DPP6: variants seen among roughly 807,000 people sequenced by gnomAD.
The protein encoded by DPP6 is A-type potassium channel modulatory protein DPP6.
DPP6 carries 69 observed loss-of-function variants against 122.6 expected under a neutral mutation model. The observed-to-expected ratio is 0.56, with a 90% CI of 0.46 to 0.69. The LOEUF (loss-of-function observed/expected upper bound fraction) is 0.69. Ranked by LOEUF, DPP6 falls within the 30% of genes least tolerant of loss-of-function variation. DPP6 has a pLI of 0.00. For synonymous variants in DPP6, 418 were observed against 433.1 expected (o/e 0.97, Z 0.43); for missense variants, 928 against 1,116.9 (o/e 0.83, Z 2.41).
At chr7:154,744,137 C>T (rs1297450684) in intron 8 of DPP6, among the ~76,000 whole-genome samples, 1 of 152,112 alleles carries the variant, frequency 6.6e-6, no homozygotes. Flanking sequence ...CTGCCTAAGC[C>T]TGGGCCTCCC....
chr7:154,660,755 G>C (rs868675984), intron 6 of DPP6, among the ~76,000 whole-genome samples: 3 of 15,918 alleles, frequency 1.9e-4, no homozygotes, highest in African/African-American at 3.1e-4. Context: ...CGTATTGGCC[G>C]TAGTGTTCCT....
intron 7 of DPP6, among the ~76,000 whole-genome samples, chr7:154,708,614 G>A (rs1487598962): frequency 1.3e-5 from 2 of 152,100 alleles, no homozygotes; most frequent in African/African-American, 4.8e-5. Context: ...AGAGACACAG[G>A]TGAAAATTTT....
At chr7:154,475,111 G>A (rs1246992323) in intron 3 of DPP6, 74 bp downstream of exon 3, 1 of 1,148,908 alleles carries the variant, frequency 8.7e-7, no homozygotes, top group Non-Finnish European at 1.3e-6. Context: ...GTTGGGTCTA[G>A]TAATTTGCCT....
chr7:154,035,945 C>G (rs1265200226), intron 1 of DPP6, among the ~76,000 whole-genome samples: 1 of 151,944 alleles, frequency 6.6e-6, no homozygotes, highest in Non-Finnish European at 1.5e-5. Flanking sequence ...TGTGAACTCA[C>G]TGACTAAGCC....
chr7:154,177,258 T>A (rs1797852474), intron 1 of DPP6, among the ~76,000 whole-genome samples: 1 of 152,192 alleles, frequency 6.6e-6, no homozygotes, highest in Non-Finnish European at 1.5e-5. Flanking sequence ...TACAAGGTTT[T>A]TGGTTGATGT....
At chr7:153,772,643 T>C in the DPP6 span, among the ~76,000 whole-genome samples, 1 of 151,752 alleles carries the variant, frequency 6.6e-6, no homozygotes, top group Non-Finnish European at 1.5e-5. Context: ...TAAGTGTGAA[T>C]GGTTTATACA....
intron 8 of DPP6, among the ~76,000 whole-genome samples, chr7:154,733,085 C>T (rs555868107): frequency 3.9e-5 from 6 of 152,340 alleles, no homozygotes; most frequent in East Asian, 1.9e-4. Flanking sequence ...ACGGAGCCAC[C>T]GTCCTGGTTC....
At chr7:154,573,495 G>A (rs942267299) in intron 5 of DPP6, among the ~76,000 whole-genome samples, 1 of 152,194 alleles carries the variant, frequency 6.6e-6, no homozygotes, top group African/African-American at 2.4e-5. Flanking sequence ...CTGCCTGGAA[G>A]TGCATCCTGC....
At chr7:154,880,494 C>T (rs1035887245) in intron 20 of DPP6, among the ~76,000 whole-genome samples, 15 of 152,318 alleles carry the variant, frequency 9.8e-5, no homozygotes, top group Non-Finnish European at 1.8e-4. Flanking sequence ...AGATTCCTGC[C>T]GACCCCTAAG....
At chr7:154,884,968 C>T (rs146572147) in intron 21 of DPP6, 3 of 152,158 alleles carry the variant, frequency 2.0e-5, no homozygotes, top group Admixed American at 6.6e-5. Context: ...CTGACAGTTC[C>T]GTGCTGTCCC....
At chr7:154,213,215 G>A (rs923737526) in intron 1 of DPP6, among the ~76,000 whole-genome samples, 2 of 152,172 alleles carry the variant, frequency 1.3e-5, no homozygotes, top group Non-Finnish European at 2.9e-5. Flanking sequence ...AGGAGCCACC[G>A]TGGTCAGGGT....
At chr7:154,844,008 C>A (rs2150557983) in intron 16 of DPP6, among the ~76,000 whole-genome samples, 1 of 152,316 alleles carries the variant, frequency 6.6e-6, no homozygotes, top group Admixed American at 6.5e-5. Context: ...ATCTCAATAC[C>A]TATTTGTTGA....
rs149195341 is a variant in DPP6 at position 154,536,502 on chromosome 7, A to G, written c.458-4030A>G. On this transcript the variant is annotated intron_variant, in intron 3 of 25. Coordinates refer to ENST00000377770, the MANE Select transcript of DPP6 (RefSeq NM_130797.4). The stretch of plus-strand genomic sequence containing the variant: ...GTTGTAAAGGTGTCCAGTTTCCTCC[A>G]AATGGAACTTTCAATTGAATGAAAT... Among the ~76,000 whole-genome samples the G allele has an allele frequency of 5.1e-3, 774 of 152,320 alleles. 8 individuals are homozygous for G. Among genetic ancestry groups the G allele is most frequent in the African/African-American group, 0.017 (713 of 41,582 alleles).
At chr7:154,737,074 A>G (rs1842602815) in intron 8 of DPP6, among the ~76,000 whole-genome samples, 1 of 152,276 alleles carries the variant, frequency 6.6e-6, no homozygotes, top group Admixed American at 6.5e-5. Context: ...ACAGGATCAT[A>G]GCTCATCAGA....
chr7:154,885,670 C>T lies in DPP6; in HGVS notation c.2171C>T (p.Ala724Val). The change falls in exon 22 of 26, where the codon GCA becomes GTA. Residue 724 changes from alanine to valine, a missense_variant. Transcript: ENST00000377770. The stretch of plus-strand genomic sequence containing the variant: ...TACCTGAGCACCTACATCCTCCCAG[C>T]AAAGGGAGAAAATCAAGGCCAGACA... ...GGYLSTYILP[A>V]KGENQGQTFT... 6.3e-7 allele frequency: 1 copy of T among 1,591,766 alleles called. No homozygotes were observed.
At chr7:153,939,994 A>G (rs1801624331) in intron 1 of DPP6, among the ~76,000 whole-genome samples, 1 of 152,206 alleles carries the variant, frequency 6.6e-6, no homozygotes, top group African/African-American at 2.4e-5. Context: ...AAGGGAGGTT[A>G]GTGTTTTGAC....
chr7:154,602,771 A>C (rs1411050880), intron 5 of DPP6, among the ~76,000 whole-genome samples: 1 of 104,548 alleles, frequency 9.6e-6, no homozygotes, highest in African/African-American at 3.0e-5. Flanking sequence ...TTTTTGAGAC[A>C]GGGTCTTACT....
intron 1 of DPP6, among the ~76,000 whole-genome samples, chr7:153,984,159 C>G (rs1469358513): frequency 1.3e-5 from 2 of 152,030 alleles, no homozygotes; most frequent in East Asian, 1.9e-4. Context: ...ATCACTCACA[C>G]AGCAAATTTG....
At chr7:153,753,440 C>A in the DPP6 span, among the ~76,000 whole-genome samples, 2 of 151,694 alleles carry the variant, frequency 1.3e-5, no homozygotes, top group African/African-American at 2.4e-5. Flanking sequence ...TCCATGAGCA[C>A]TTTTTCCAGC....
Sources: allele counts gnomAD v4.1 joint callset (sites outside exome capture counted in the v4.1 genomes callset), GRCh38; gene constraint gnomAD v4.1.1; transcripts MANE v1.5; gene names NCBI Gene and HGNC (gene_info 2026-07-23, HGNC 2026-07-21).